The following SLC19A1 variants were observed in gnomAD, a reference collection of about 807,000 sequenced individuals.
SLC19A1 encodes the protein solute carrier family 19 member 1, also known as reduced folate transporter.
In SLC19A1, 37 loss-of-function variants were observed where a neutral mutation model predicts 35.3. The ratio of observed to expected loss-of-function variants is 1.05; its 90% confidence interval spans 0.81 to 1.38. The LOEUF is 1.38. SLC19A1 is among the 40% of genes most tolerant of loss of function. The pLI is 0.00. For synonymous variants in SLC19A1, 460 were observed against 398.5 expected (o/e 1.15, Z -1.84); for missense variants, 831 against 826.9 (o/e 1.00, Z -0.06).
chr21:45,526,881 C>A (rs1178124081), intron 4 of SLC19A1, among the ~76,000 whole-genome samples: 1 of 152,208 alleles, frequency 6.6e-6, no homozygotes, highest in Non-Finnish European at 1.5e-5. Context: ...TGAATTCTGG[C>A]TGTTTTGATT....
rs746279987 is a variant in SLC19A1, at chr21:45,532,055, C to T, written c.283G>A (p.Val95Met). The stretch of plus-strand genomic sequence containing the variant: ...AAGCTGAGCCCCTGCAGCAGCAGCA[C>T]CGGCGTGTAGCGCAGGTAGTCGGTG... ...LLTDYLRYTP[V>M]LLLQGLSFVS... Residue 95 changes from valine to methionine, a missense_variant, in exon 3 of 6, where the codon GTG becomes ATG. Physicochemically the swap from Val to Met is conservative, Grantham distance 21. Coordinates refer to ENST00000311124, the MANE Select transcript of SLC19A1 (RefSeq NM_194255.4). 2 of 1,612,516 alleles carry T rather than the reference C, an allele frequency of 1.2e-6. No individual in the cohort carries two copies. The highest frequency in any genetic ancestry group is 2.2e-5 in the South Asian group (2 of 91,074).
upstream of SLC19A1, among the ~76,000 whole-genome samples, chr21:45,548,702 C>T (rs2078436868): frequency 1.3e-5 from 2 of 152,088 alleles, no homozygotes; most frequent in African/African-American, 2.4e-5. Context: ...CGAGAGCTCA[C>T]CTCTGCACTC....
intron 3 of SLC19A1, among the ~76,000 whole-genome samples, chr21:45,503,701 G>T (rs1299119176): frequency 6.6e-6 from 1 of 151,220 alleles, no homozygotes; most frequent in Non-Finnish European, 1.5e-5. Context: ...ACGAGTTAGT[G>T]GGTGCAGCAC....
chr21:45,510,628 A>T (rs1332598798), downstream of SLC19A1, among the ~76,000 whole-genome samples: 1 of 152,182 alleles, frequency 6.6e-6, no homozygotes, highest in Admixed American at 6.5e-5. Context: ...TTGGGCCTCT[A>T]GTGCCATGCG....
chr21:45,546,558 G>A (rs2078418076), upstream of SLC19A1, among the ~76,000 whole-genome samples: 1 of 152,234 alleles, frequency 6.6e-6, no homozygotes. Context: ...TCTCCCTATA[G>A]CCAGACTTTC....
At chr21:45,510,492 G>GC (rs950172710), downstream of SLC19A1, among the ~76,000 whole-genome samples, 12 of 152,172 alleles carry the variant, frequency 7.9e-5, no homozygotes, top group Non-Finnish European at 1.2e-4. Flanking sequence ...ATCCCATGAG[G>GC]CCCCCCCGTG....
intron 3 of SLC19A1, chr21:45,505,503 G>A: frequency 2.5e-6 from 2 of 815,532 alleles, no homozygotes; most frequent in Non-Finnish European, 4.1e-6. Context: ...CTGCCCCTCA[G>A]AGACACTCTC....
Position 45,530,842 on chromosome 21 carries a change from C to T in SLC19A1, c.1079G>A (p.Ser360Asn). Residue 360 changes from serine (S) to asparagine (N), a missense_variant, in exon 4 of 6, where the codon AGC (serine) becomes AAC (asparagine). Transcript: ENST00000311124. This position sits in a 1 kb window ranked among gnomAD's most constrained non-coding sequence, Gnocchi z 5.3. ...VFLLAHTRHP[S>N]SIWLCYAAFV... ...GGCCGCATAGCACAGCCAGATGCTG[C>T]TCGGGTGGCGCGTGTGCGCCAGAAG... 2.0e-6 allele frequency: 3 copies of T among 1,520,482 alleles called. No homozygotes were observed. Among genetic ancestry groups the T allele is most frequent in the Non-Finnish European group, 1.8e-6 (2 of 1,134,154 alleles). 94.2% of individuals were successfully genotyped at this position (1,520,482 alleles called of 1,614,324 possible).
intron 1 of SLC19A1, among the ~76,000 whole-genome samples, chr21:45,562,329 C>T (rs1379194830): frequency 1.3e-5 from 2 of 152,118 alleles, no homozygotes; most frequent in Non-Finnish European, 1.5e-5. Flanking sequence ...ACATCGGCAT[C>T]GTAAAGGGAA....
At chr21:45,525,987 G>A (rs766722965) in intron 4 of SLC19A1, 29 bp from the exon 5 acceptor site, 6 of 1,605,948 alleles carry the variant, frequency 3.7e-6, no homozygotes, top group Non-Finnish European at 2.6e-6. Context: ...CAGATCAGGC[G>A]CTGCTGGGAG....
Position 45,516,103 on chromosome 21 carries a change from A to G in SLC19A1, c.1331T>C (p.Ile444Thr), listed in dbSNP as rs753108944. Residue 444 changes from isoleucine (I) to threonine (T), a missense_variant, in exon 6 of 6, where the codon ATC (isoleucine) becomes ACC (threonine). Coordinates refer to ENST00000311124, the MANE Select transcript of SLC19A1 (RefSeq NM_194255.4). ...CAGCATGGCCCCCAAGAAGTAGATG[A>G]TGGACAGGATCAGGAAGTACACGGA... ...LYSVYFLILS[I>T]IYFLGAMLDG... 25 of 1,606,836 alleles carry G rather than the reference A, an allele frequency of 1.6e-5. No individual in the cohort carries two copies. In the South Asian group the frequency reaches 2.8e-4, roughly 18 times the overall value.
chr21:45,529,748 T>C (rs1268634232), intron 4 of SLC19A1, among the ~76,000 whole-genome samples: 1 of 151,226 alleles, frequency 6.6e-6, no homozygotes, highest in African/African-American at 2.4e-5. Flanking sequence ...GTGTGCTGTG[T>C]CCATGTGTAA....
intron 4 of SLC19A1, among the ~76,000 whole-genome samples, chr21:45,528,724 A>G (rs780181883): frequency 6.6e-6 from 1 of 152,214 alleles, no homozygotes; most frequent in Non-Finnish European, 1.5e-5. Flanking sequence ...CTCGTGTAAG[A>G]AAAATGGAAA....
downstream of SLC19A1, among the ~76,000 whole-genome samples, chr21:45,511,413 A>C (rs567360914): frequency 1.3e-5 from 2 of 152,270 alleles, 1 homozygote; most frequent in South Asian, 4.1e-4. Context: ...CATCATTAGC[A>C]ATGCGTTTGA....
intron 5 of SLC19A1, among the ~76,000 whole-genome samples, chr21:45,519,598 CA>C (rs1300374214): frequency 1.2e-4 from 17 of 140,466 alleles, no homozygotes; most frequent in African/African-American, 4.3e-4. Context: ...AAAAAAAGAC[CA>C]GGGACAGCAG....
In SLC19A1 at chr21:45,531,570, C is replaced by T. The variant is rs1200134395; in HGVS notation, c.768G>A (p.Arg256=). 6.2e-7 allele frequency: 1 copy of T among 1,612,226 alleles called. No homozygotes were observed. The highest frequency in any genetic ancestry group is 8.5e-7 in the Non-Finnish European group (1 of 1,179,704). The change falls in exon 3 of 6, where the codon CGG becomes CGA. Residue 256 remains arginine (R), a synonymous_variant. Transcript: ENST00000311124. The stretch of plus-strand genomic sequence containing the variant: ...GCCGCCGCAGGCTGTCCCCCAGCTC[C>T]CGCAGCATCCGCGCCAGCACTGAGT... ...CGDSVLARML[R]ELGDSLRRPQ... is the part of the protein sequence containing the mutation.
At position 45,559,154 on chromosome 21, in the gene SLC19A1, T is replaced by C. The variant is rs78283087; in HGVS notation, c.-50+3588A>G. Among the ~76,000 whole-genome samples, 609 of 152,312 alleles carry C rather than the reference T, an allele frequency of 4.0e-3. 4 individuals are homozygous for C. The highest frequency in any genetic ancestry group is 0.014 in the African/African-American group (569 of 41,552). On this transcript the variant is annotated intron_variant, in intron 1 of 5. Transcript: ENST00000650808. Reference sequence around the variant, plus strand: ...GTCAATAACTACATAAATTTGGGAATGTCAGTGGCAGAAATCACAAAGGAA... The same window carrying C: ...GTCAATAACTACATAAATTTGGGAACGTCAGTGGCAGAAATCACAAAGGAA...
intron 1 of SLC19A1, among the ~76,000 whole-genome samples, chr21:45,560,534 A>ACCCCCGCTAGGGTGCCCACGGTGGCGC (rs1602966966): frequency 4.6e-5 from 7 of 151,008 alleles, no homozygotes; most frequent in East Asian, 1.9e-4. Context: ...TGGCACTGGC[A>ACCCCCGCTAGGGTGCCCACGGTGGCGC]CCATGGTAGG....
In SLC19A1 at chr21:45,530,887, G is replaced by T. The variant is rs760103304; in HGVS notation, c.1034C>A (p.Thr345Lys). The T allele has an allele frequency of 6.7e-7, 1 of 1,484,006 alleles. No homozygotes were observed. The highest frequency in any genetic ancestry group is 2.6e-5 in the East Asian group (1 of 38,436). 91.9% of individuals were successfully genotyped at this position (1,484,006 alleles called of 1,614,324 possible). The change falls in exon 4 of 6, where the codon ACG (threonine) becomes AAG (lysine). Residue 345 changes from threonine to lysine, a missense_variant. Thr to Lys is a moderately conservative substitution (Grantham distance 78). Coordinates refer to ENST00000311124, the MANE Select transcript of SLC19A1 (RefSeq NM_194255.4). This position sits in a 1 kb window ranked among gnomAD's most constrained non-coding sequence, Gnocchi z 5.3. Reference sequence around the variant, plus strand: ...CAGAAGGAAGACCAGCCCCGCCTGCGTGGCCGTGACGCCCGCGATGAGCAG... The same window carrying T: ...CAGAAGGAAGACCAGCCCCGCCTGCTTGGCCGTGACGCCCGCGATGAGCAG... ...SKLLIAGVTA[T>K]QAGLVFLLAH...
Sources: gnomAD v4.1 joint callset for allele counts (sites outside exome capture counted in the v4.1 genomes callset) on GRCh38, gnomAD v4.1.1 for gene constraint, Gnocchi (gnomAD v3.1) non-coding constraint, MANE v1.5 for transcripts, NCBI Gene and HGNC (gene_info 2026-07-23, HGNC 2026-07-21) for gene names.